Variants in RERG observed in about 807,000 individuals in gnomAD.
RERG encodes the protein ras-related and estrogen-regulated growth inhibitor.
RERG carries 25 observed loss-of-function variants against 23.2 expected under a neutral mutation model. The ratio of observed to expected loss-of-function variants is 1.08; its 90% CI spans 0.79 to 1.50. The LOEUF is 1.50. Among genes scored for constraint, RERG ranks in the 40% most tolerant of loss-of-function variants. The probability of loss-of-function intolerance (pLI) is 0.00; values close to 1 mark genes in which losing one functional copy is unlikely to be tolerated. For missense variants in RERG, 253 were observed against 250.1 expected (o/e 1.01, Z -0.08); for synonymous variants, 81 against 89.1 (o/e 0.91, Z 0.51).
At chr12:15,211,096 A>G (rs904815390) in intron 2 of RERG, among the ~76,000 whole-genome samples, 2 of 152,194 alleles carry the variant, frequency 1.3e-5, no homozygotes, top group African/African-American at 2.4e-5. Context: ...CTGCATCCAC[A>G]TGGGCAGAGG....
intron 2 of RERG, among the ~76,000 whole-genome samples, chr12:15,124,212 C>A (rs1303864639): frequency 2.0e-5 from 3 of 152,104 alleles, no homozygotes; most frequent in African/African-American, 7.2e-5. Flanking sequence ...AAAACCACTA[C>A]ATTAAAATAG....
At chr12:15,214,124 T>C (rs1420283683) in intron 2 of RERG, among the ~76,000 whole-genome samples, 1 of 152,092 alleles carries the variant, frequency 6.6e-6, no homozygotes, top group Non-Finnish European at 1.5e-5. Context: ...TCTTTAATTG[T>C]ATGTTTTCAC....
In RERG at chr12:15,221,197, G is replaced by A. The variant is rs1865507997; in HGVS notation, c.-117C>T. The stretch of plus-strand genomic sequence containing the variant: ...CTGGACACGTGCGTGACACTCACCT[G>A]TTCACACTCTCCAGGCCAGGAGAGC... On this transcript the variant is annotated splice_region_variant and 5_prime_UTR_variant, in exon 1 of 5. Transcript: ENST00000256953. 1 of 152,306 alleles carries A rather than the reference G, an allele frequency of 6.6e-6. No homozygotes were observed. The highest frequency in any genetic ancestry group is 2.1e-4 in the South Asian group (1 of 4,840). The allele number at this position is 152,306 out of a possible 1,614,324, so 9.4% of individuals were successfully genotyped here.
At chr12:15,153,017 C>T (rs1864468030) in intron 2 of RERG, among the ~76,000 whole-genome samples, 2 of 152,170 alleles carry the variant, frequency 1.3e-5, no homozygotes, top group South Asian at 4.1e-4. Flanking sequence ...TAAGTCATCA[C>T]TCCTAATATT....
intron 2 of RERG, among the ~76,000 whole-genome samples, chr12:15,126,157 T>TATATATATATATA (rs1555120854): frequency 0.011 from 624 of 55,262 alleles, 23 homozygotes; most frequent in African/African-American, 0.031. Flanking sequence ...ATATATGTAT[T>TATATATATATATA]TACACACATA....
intron 2 of RERG, among the ~76,000 whole-genome samples, chr12:15,158,482 G>A (rs1170062318): frequency 1.3e-5 from 2 of 151,884 alleles, no homozygotes; most frequent in Non-Finnish European, 2.9e-5. Flanking sequence ...GGGTCTCACT[G>A]TGTTGCCCAG....
intron 2 of RERG, among the ~76,000 whole-genome samples, chr12:15,159,582 G>A (rs1565523574): frequency 6.6e-6 from 1 of 152,182 alleles, no homozygotes; most frequent in Admixed American, 6.5e-5. Context: ...CCAGCACTTT[G>A]GGAGGCCGAG....
intron 4 of RERG, among the ~76,000 whole-genome samples, chr12:15,110,337 G>C (rs141926161): frequency 6.6e-6 from 1 of 151,852 alleles, no homozygotes; most frequent in African/African-American, 2.4e-5. Flanking sequence ...TGGAAAAGTG[G>C]GTAATTCATT....
chr12:15,113,559 T>A (rs1033598042), intron 3 of RERG, among the ~76,000 whole-genome samples: 6 of 152,064 alleles, frequency 3.9e-5, no homozygotes, highest in Non-Finnish European at 5.9e-5. Flanking sequence ...TTCTTCTGTA[T>A]CAGCAAAAGC....
At chr12:15,179,239 A>T in intron 2 of RERG, among the ~76,000 whole-genome samples, 1 of 152,172 alleles carries the variant, frequency 6.6e-6, no homozygotes, top group East Asian at 1.9e-4. Context: ...AATTCATACA[A>T]TCCCTTCTGA....
At chr12:15,166,523 A>ATGGTGGTGGTGGTGGTGGTGG in intron 2 of RERG, among the ~76,000 whole-genome samples, 1 of 148,838 alleles carries the variant, frequency 6.7e-6, no homozygotes, top group South Asian at 2.1e-4. Flanking sequence ...GATGGTGGTG[A>ATGGTGGTGGTGGTGGTGGTGG]TGGTGGTGGT....
chr12:15,145,873 A>G (rs1282131848), intron 2 of RERG, among the ~76,000 whole-genome samples: 2 of 152,252 alleles, frequency 1.3e-5, no homozygotes, highest in East Asian at 3.8e-4. Flanking sequence ...AAATTAAGAT[A>G]GAAATTAGTT....
At chr12:15,131,734 T>C (rs1405037203) in intron 2 of RERG, among the ~76,000 whole-genome samples, 1 of 152,180 alleles carries the variant, frequency 6.6e-6, no homozygotes, top group Non-Finnish European at 1.5e-5. Context: ...CTCTTCATCA[T>C]GTCCTTTTCT....
At chr12:15,161,140 A>AAGAAAGAAAGAAAGAAAGAG (rs1864599832) in intron 2 of RERG, among the ~76,000 whole-genome samples, 1 of 51,424 alleles carries the variant, frequency 1.9e-5, no homozygotes, top group East Asian at 4.5e-4. Flanking sequence ...ATCTCAGAAA[A>AAGAAAGAAAGAAAGAAAGAG]AGAAAGAAAG....
intron 2 of RERG, among the ~76,000 whole-genome samples, chr12:15,151,009 T>C (rs1180794160): frequency 6.6e-6 from 1 of 152,182 alleles, no homozygotes; most frequent in Non-Finnish European, 1.5e-5. Context: ...ACTTTATAAA[T>C]ACAGAAAACA....
rs977275229 is a variant in RERG, at chr12:15,109,171, C to A, written c.539G>T (p.Arg180Leu). 9 of 1,609,648 alleles carry A rather than the reference C, an allele frequency of 5.6e-6. No homozygotes were observed. In the African/African-American group the frequency reaches 1.1e-4, roughly 19 times the overall value. The change falls in exon 5 of 5, where the codon CGC (arginine) becomes CTC (leucine). Residue 180 changes from arginine to leucine, a missense_variant. By Grantham distance (102) the Arg-to-Leu change is moderately radical. Coordinates refer to ENST00000256953, the MANE Select transcript of RERG (RefSeq NM_032918.3). Reference sequence around the variant, plus strand: ...TTGCTTGACATGCGTGGTGGAGCTGCGTCGCCTCGTCTTGCCCTGCACCAT... The same window carrying A: ...TTGCTTGACATGCGTGGTGGAGCTGAGTCGCCTCGTCTTGCCCTGCACCAT... ...RRMVQGKTRRRSSTTHVKQAI... is the reference protein window; with the variant it reads ...RRMVQGKTRRLSSTTHVKQAI...
intron 2 of RERG, among the ~76,000 whole-genome samples, chr12:15,157,134 T>C (rs548030047): frequency 1.3e-5 from 2 of 152,196 alleles, no homozygotes; most frequent in Non-Finnish European, 2.9e-5. Context: ...TCATTCGGCA[T>C]TGCAGGAATT....
At chr12:15,167,450 C>A (rs964857106) in intron 2 of RERG, among the ~76,000 whole-genome samples, 1 of 152,200 alleles carries the variant, frequency 6.6e-6, no homozygotes, top group East Asian at 1.9e-4. Flanking sequence ...ACCCCGGCCC[C>A]GGGGTTTCTG....
At chr12:15,121,018 C>T in intron 3 of RERG, 45 bp downstream of exon 3, 1 of 1,297,376 alleles carries the variant, frequency 7.7e-7, no homozygotes, top group Non-Finnish European at 1.1e-6. Context: ...TCTTTGGGGC[C>T]ATAAATTTTT....
Sources: gnomAD v4.1 joint callset for allele counts (sites outside exome capture counted in the v4.1 genomes callset) on GRCh38, gnomAD v4.1.1 for gene constraint, MANE v1.5 for transcripts, NCBI Gene and HGNC (gene_info 2026-07-23, HGNC 2026-07-21) for gene names.